The following HUWE1 variants were observed in gnomAD, a reference collection of about 807,000 sequenced individuals.
The protein encoded by HUWE1 is E3 ubiquitin-protein ligase HUWE1.
In HUWE1, 18 loss-of-function variants were observed where a neutral mutation model predicts 299.4. That is an observed-to-expected ratio of 0.06 (90% confidence interval 0.04 to 0.09). The LOEUF is 0.09. Ranked by LOEUF, HUWE1 falls within the 10% of genes least tolerant of loss-of-function variation. The pLI is 1.00. For synonymous variants in HUWE1, 1,317 were observed against 1,286.1 expected (o/e 1.02, Z -0.51); for missense variants, 1,832 against 3,462.3 (o/e 0.53, Z 11.82).
At chrX:53,534,805 A>G (rs2060930254) in intron 81 of HUWE1, 108 bp from the exon 82 acceptor site, 1 of 647,404 alleles carries the variant, frequency 1.5e-6, no homozygotes, top group Admixed American at 2.8e-5. Flanking sequence ...GACTACAGGC[A>G]TGCACCACCA....
chrX:53,537,763 GGAA>G lies in HUWE1; in HGVS notation c.11997-70_11997-68del, dbSNP rs1556914473. On this transcript the variant is annotated intron_variant, in intron 77 of 83. Coordinates refer to ENST00000262854, the MANE Select transcript of HUWE1 (RefSeq NM_031407.7). ...CAGAACAAATTTGTTTGTGTGATTA[GGAA>G]GAAGACCCACAATGATGCTCCTTCT... is the stretch of plus-strand genomic sequence containing the variant. 6 of 1,054,378 alleles carry G rather than the reference GGAA, an allele frequency of 5.7e-6. No individual in the cohort carries two copies. The East Asian group carries it at 1.6e-4, about 27-fold the overall frequency. The allele number at this position is 1,054,378 out of a possible 1,213,427, so 86.9% of individuals were successfully genotyped here. A position where few individuals can be genotyped will look rare whatever the true frequency, so the allele number is the denominator to read the frequency against.
chrX:53,643,826 T>A (rs1305155845), intron 7 of HUWE1, among the ~76,000 whole-genome samples: 1 of 112,093 alleles, frequency 8.9e-6, no homozygotes, highest in East Asian at 2.8e-4. Context: ...ATATTCTCTT[T>A]TCTTTTTTAG....
intron 34 of HUWE1, 113 bp from the exon 35 acceptor site, chrX:53,590,612 G>C: frequency 1.7e-6 from 1 of 588,544 alleles, no homozygotes; most frequent in Non-Finnish European, 2.9e-6. Flanking sequence ...TAAAGAGAGA[G>C]GAAGGGCCTC....
rs1434578130 is a variant in HUWE1, at chrX:53,584,235, C to T, written c.5112G>A (p.Leu1704=). ...NSNGQELEKT[L]EESKEMDIKR... The stretch of plus-strand genomic sequence containing the variant: ...TGATATCCATTTCTTTGCTTTCTTC[C>T]AGCGTCTTCTCTAGTTCCTGTCCAT... Residue 1704 remains leucine (L), a synonymous_variant, in exon 41 of 84, where the codon CTG becomes CTA. Transcript: ENST00000262854. The T allele has an allele frequency of 1.7e-6, 2 of 1,208,077 alleles. No individual in the cohort carries two copies. Among genetic ancestry groups the T allele is most frequent in the East Asian group, 5.9e-5 (2 of 33,840 alleles).
chrX:53,685,532 T>C (rs1275245371), intron 2 of HUWE1, among the ~76,000 whole-genome samples: 1 of 112,517 alleles, frequency 8.9e-6, no homozygotes, highest in Non-Finnish European at 1.9e-5. Flanking sequence ...AAACTGCCTA[T>C]ATAAACTATT....
chrX:53,672,907 T>C (rs2149550445), intron 3 of HUWE1, among the ~76,000 whole-genome samples: 1 of 111,982 alleles, frequency 8.9e-6, no homozygotes, highest in East Asian at 2.8e-4. Flanking sequence ...ATCTGTGAGT[T>C]TGGGGTTTGC....
At chrX:53,649,901 A>G (rs1299357515) in intron 4 of HUWE1, among the ~76,000 whole-genome samples, 2 of 112,482 alleles carry the variant, frequency 1.8e-5, no homozygotes, top group African/African-American at 6.5e-5. Context: ...ACCAAGGCCC[A>G]GTAGCAAGCC....
chrX:53,573,743 A>G lies in HUWE1; in HGVS notation c.6312+7T>C, dbSNP rs1370141610. ...GTAACATCTTAAATAGAAGTTGGAA[A>G]TATTACCTCTTTGATCAGTTCAGAC... On this transcript the variant is annotated splice_region_variant and intron_variant, in intron 47 of 83. Transcript: ENST00000262854. 5 of 1,190,951 alleles carry G rather than the reference A, an allele frequency of 4.2e-6. No individual in the cohort carries two copies. The highest frequency in any genetic ancestry group is 4.6e-6 in the Non-Finnish European group (4 of 876,320).
intron 78 of HUWE1, chrX:53,537,274 T>TA: frequency 2.7e-6 from 1 of 365,468 alleles, no homozygotes; most frequent in Middle Eastern, 8.0e-4. Context: ...ATAGCAATAT[T>TA]AAAGCTCTCA....
At chrX:53,589,914 C>G in intron 35 of HUWE1, 98 bp from the exon 36 acceptor site, 1 of 896,938 alleles carries the variant, frequency 1.1e-6, no homozygotes, top group African/African-American at 2.0e-5. Flanking sequence ...CATATGATTA[C>G]CCTCAACCTT....
rs782289429 is a variant in HUWE1, at chrX:53,549,070, C to G, written c.9924G>C (p.Gly3308=). ...TNIFQIQRSG[G]RKHTEKHASG... is the part of the protein sequence containing the mutation. ...TTGCATGCTTCTCGGTATGTTTACG[C>G]CCCCCTGAACGCTGGATCTGAAATA... is the stretch of plus-strand genomic sequence containing the variant. The change falls in exon 67 of 84, where the codon GGG becomes GGC. Residue 3308 remains glycine, a synonymous_variant. Transcript: ENST00000262854. The G allele has an allele frequency of 8.3e-7, 1 of 1,210,849 alleles. No homozygotes were observed. The highest frequency in any genetic ancestry group is 2.2e-5 in the Admixed American group (1 of 46,040).
At chrX:53,564,980 A>G in intron 50 of HUWE1, 87 bp downstream of exon 50, 2 of 1,013,783 alleles carry the variant, frequency 2.0e-6, no homozygotes, top group Non-Finnish European at 2.8e-6. Flanking sequence ...GTTCCCAGGG[A>G]AACACCACCA....
chrX:53,562,381 C>T (rs1461475130), intron 53 of HUWE1, 137 bp from the exon 54 acceptor site: 1 of 814,984 alleles, frequency 1.2e-6, no homozygotes. Context: ...GGGTGATGTA[C>T]AGACTTAGTG....
At position 53,617,195 on chromosome X, in the gene HUWE1, T is replaced by A. The variant is rs1557008250; in HGVS notation, c.1780-48A>T. 2.6e-6 allele frequency: 3 copies of A among 1,144,787 alleles called. No individual in the cohort carries two copies. The Admixed American group carries it at 6.7e-5, about 26-fold the overall frequency. The allele number at this position is 1,144,787 out of a possible 1,213,427, so 94.3% of individuals were successfully genotyped here. On this transcript the variant is annotated intron_variant, in intron 20 of 83. Transcript: ENST00000262854. ...TTGAATGCATCTAAAAGAGTGTAGA[T>A]GCTAGGAAAATCCGGCCATGGGTAT...
At chrX:53,683,959 T>G (rs2070336329) in intron 2 of HUWE1, 2 of 277,921 alleles carry the variant, frequency 7.2e-6, no homozygotes, top group African/African-American at 2.8e-5. Context: ...GCCGAAGACC[T>G]TGCCGCCGCC....
rs1218438004 is a variant in HUWE1, at chrX:53,638,340, A to AAAAAAAC, written c.505-4049_505-4043dup. ...GGGGGACAGAGCGAGACTCCGTCTC[A>AAAAAAAC]AAAAAACAAAAAACAAAAAAAAAAT... is the stretch of plus-strand genomic sequence containing the variant. On this transcript the variant is annotated intron_variant, in intron 7 of 83. Coordinates refer to ENST00000262854, the MANE Select transcript of HUWE1 (RefSeq NM_031407.7). Among the ~76,000 whole-genome samples the AAAAAAAC allele has an allele frequency of 2.3e-3, 254 of 111,023 alleles. 1 individual carries two copies. The highest frequency in any genetic ancestry group is 8.0e-3 in the African/African-American group (245 of 30,698).
intron 7 of HUWE1, among the ~76,000 whole-genome samples, chrX:53,639,738 G>A (rs1433950191): frequency 6.3e-5 from 7 of 111,444 alleles, no homozygotes; most frequent in African/African-American, 2.3e-4. Flanking sequence ...CATTTTAAAA[G>A]AAAGCAAATA....
At chrX:53,639,676 G>A (rs1451422998) in intron 7 of HUWE1, among the ~76,000 whole-genome samples, 1 of 112,209 alleles carries the variant, frequency 8.9e-6, no homozygotes, top group Non-Finnish European at 1.9e-5. Context: ...AGGCTGTACT[G>A]AAAATAATCA....
Position 53,565,065 on chromosome X carries a change from A to G in HUWE1, c.6880+2T>C. 8.3e-7 allele frequency: 1 copy of G among 1,209,800 alleles called. No homozygotes were observed. Among genetic ancestry groups the G allele is most frequent in the Non-Finnish European group, 1.1e-6 (1 of 893,757 alleles). On this transcript the variant is annotated splice_donor_variant, in intron 50 of 83. Coordinates refer to ENST00000262854, the MANE Select transcript of HUWE1 (RefSeq NM_031407.7). LOFTEE classifies it high-confidence loss of function. ...TCCAGTCCATTGGCTCTGATTCCCT[A>G]CCTGGGTCCTGCTGGTTGCTACTGG...
Sources: gnomAD v4.1 joint callset for allele counts (sites outside exome capture counted in the v4.1 genomes callset) on GRCh38, gnomAD v4.1.1 for gene constraint, MANE v1.5 for transcripts, NCBI Gene and HGNC (gene_info 2026-07-23, HGNC 2026-07-21) for gene names.